The following PPP2R3A variants were observed in gnomAD, a reference collection of about 807,000 sequenced individuals.
The protein encoded by PPP2R3A is protein phosphatase 2 regulatory subunit B''alpha.
In PPP2R3A, 80 loss-of-function variants were observed where a neutral mutation model predicts 106.9. That is an observed-to-expected ratio of 0.75 (90% confidence interval 0.62 to 0.90). The LOEUF is 0.90. Ranked by LOEUF, PPP2R3A falls within the 40% of genes least tolerant of loss-of-function variation. The pLI is 0.00. For synonymous variants in PPP2R3A, 483 were observed against 468.3 expected, an observed-to-expected ratio of 1.03 and a Z score of -0.41; for missense variants, 1,386 against 1,350.4, an observed-to-expected ratio of 1.03 and a Z score of -0.41.
At chr3:136,134,545 T>A (rs1435674803) in intron 13 of PPP2R3A, among the ~76,000 whole-genome samples, 1 of 152,110 alleles carries the variant, frequency 6.6e-6, no homozygotes, top group Non-Finnish European at 1.5e-5. Context: ...CATAGAAAAA[T>A]CCAGATTACA....
chr3:136,078,927 T>C (rs779612926), intron 7 of PPP2R3A, among the ~76,000 whole-genome samples: 5 of 152,248 alleles, frequency 3.3e-5, no homozygotes, highest in Non-Finnish European at 5.9e-5. Context: ...AATTATTTTA[T>C]TCATATTACC....
intron 6 of PPP2R3A, among the ~76,000 whole-genome samples, chr3:136,071,973 A>G (rs1372799931): frequency 6.6e-6 from 1 of 151,948 alleles, no homozygotes; most frequent in Middle Eastern, 3.4e-3. Flanking sequence ...GCCCTCCCTG[A>G]TCACTCTCTG....
Position 136,002,960 on chromosome 3 carries a change from A to C in PPP2R3A, c.1462A>C (p.Lys488Gln). Residue 488 changes from lysine (K) to glutamine (Q), a missense_variant, in exon 2 of 14, where the codon AAA becomes CAA. Lys to Gln is a moderately conservative substitution (Grantham distance 53). Transcript: ENST00000264977. ...VNLPKEDCKS[K>Q]VSKFEEGDQR... The stretch of plus-strand genomic sequence containing the variant: ...TCTACCTAAGGAAGACTGTAAATCA[A>C]AAGTTTCTAAATTTGAAGAGGGAGA... The C allele has an allele frequency of 6.2e-7, 1 of 1,612,604 alleles. No individual in the cohort carries two copies. Among genetic ancestry groups the C allele is most frequent in the Non-Finnish European group, 8.5e-7 (1 of 1,179,636 alleles).
chr3:136,113,119 GAAA>G lies in PPP2R3A; in HGVS notation c.3329+6805_3329+6807del, dbSNP rs112689051. On this transcript the variant is annotated intron_variant, in intron 13 of 13. Coordinates refer to ENST00000264977, the MANE Select transcript of PPP2R3A (RefSeq NM_002718.5). ...CTGCACTCCAACCTGGGCAACAAAA[GAAA>G]AAAAAAATCATATGAAACAAAAAAA... Among the ~76,000 whole-genome samples the G allele has an allele frequency of 1.5e-3, 220 of 146,946 alleles. 3 individuals are homozygous for G. The highest frequency in any genetic ancestry group is 4.8e-3 in the African/African-American group (194 of 40,236).
intron 13 of PPP2R3A, among the ~76,000 whole-genome samples, chr3:136,115,002 C>T (rs544229119): frequency 5.0e-4 from 76 of 152,314 alleles, no homozygotes; most frequent in Non-Finnish European, 3.2e-4. Context: ...CCAACAGACA[C>T]CTCATACAGG....
intron 1 of PPP2R3A, among the ~76,000 whole-genome samples, chr3:135,978,521 A>G (rs1559848420): frequency 6.6e-6 from 1 of 151,726 alleles, no homozygotes; most frequent in East Asian, 1.9e-4. Flanking sequence ...GATAGTTAAA[A>G]TTCTAAAAAG....
At chr3:136,025,600 T>C (rs1015051559) in intron 2 of PPP2R3A, among the ~76,000 whole-genome samples, 3 of 152,132 alleles carry the variant, frequency 2.0e-5, no homozygotes, top group African/African-American at 7.2e-5. Flanking sequence ...CTAAAATTTT[T>C]ATCATGATTT....
In PPP2R3A at chr3:136,070,509, T is replaced by G; in HGVS notation, c.2501T>G (p.Phe834Cys). 6.2e-7 allele frequency: 1 copy of G among 1,610,282 alleles called. No homozygotes were observed. The highest frequency in any genetic ancestry group is 2.2e-5 in the East Asian group (1 of 44,450). ...DVVDTHPGLT[F>C]LKDAPEFHSR... ...GTGGATACCCACCCTGGTCTCACGTTCCTGAAAGATGCTCCAGAATTCCAC... is the reference window on the plus strand; with the variant it reads ...GTGGATACCCACCCTGGTCTCACGTGCCTGAAAGATGCTCCAGAATTCCAC... Residue 834 changes from phenylalanine to cysteine, a missense_variant, in exon 6 of 14, where the codon TTC becomes TGC. Phe to Cys is a radical substitution (Grantham distance 205). Transcript: ENST00000264977.
Position 136,003,439 on chromosome 3 carries a change from A to C in PPP2R3A, c.1941A>C (p.Lys647Asn), listed in dbSNP as rs1933726920. The C allele has an allele frequency of 1.9e-6, 3 of 1,613,578 alleles. No individual in the cohort carries two copies. The highest frequency in any genetic ancestry group is 2.5e-6 in the Non-Finnish European group (3 of 1,179,816). ...TCTGTAGAAGTCCTGTTGGTGATAA[A>C]GCCAAAGATACTACTTCAGCAGTTT... ...LSVCRSPVGD[K>N]AKDTTSAVLI... Residue 647 changes from lysine to asparagine, a missense_variant, in exon 2 of 14, where the codon AAA becomes AAC. Lys to Asn is a moderately conservative substitution (Grantham distance 94). Transcript: ENST00000264977.
chr3:136,114,209 G>A (rs922950910), intron 13 of PPP2R3A, among the ~76,000 whole-genome samples: 2 of 152,112 alleles, frequency 1.3e-5, no homozygotes, highest in Non-Finnish European at 2.9e-5. Context: ...GAGGGATTGT[G>A]CCTGAGGAAT....
At chr3:136,125,788 C>T (rs1938157841) in intron 13 of PPP2R3A, among the ~76,000 whole-genome samples, 1 of 152,036 alleles carries the variant, frequency 6.6e-6, no homozygotes, top group South Asian at 2.1e-4. Flanking sequence ...AGATTATATA[C>T]CATAACTAAG....
chr3:136,081,677 A>G (rs1370105851), intron 7 of PPP2R3A, among the ~76,000 whole-genome samples: 1 of 152,146 alleles, frequency 6.6e-6, no homozygotes, highest in Non-Finnish European at 1.5e-5. Flanking sequence ...TGGGTTCAGT[A>G]TCATTGATTC....
At chr3:135,978,445 T>G (rs1173558876) in intron 1 of PPP2R3A, among the ~76,000 whole-genome samples, 2 of 151,768 alleles carry the variant, frequency 1.3e-5, no homozygotes, top group Non-Finnish European at 2.9e-5. Context: ...ATAATTCATT[T>G]TCACCTTTGT....
intron 5 of PPP2R3A, among the ~76,000 whole-genome samples, chr3:136,060,340 A>G (rs1167508842): frequency 6.6e-6 from 1 of 152,208 alleles, no homozygotes; most frequent in Non-Finnish European, 1.5e-5. Flanking sequence ...AAAGAATAGA[A>G]TGGTAATTAC....
At chr3:135,973,069 G>A (rs552540837) in intron 1 of PPP2R3A, among the ~76,000 whole-genome samples, 36 of 152,092 alleles carry the variant, frequency 2.4e-4, no homozygotes, top group Admixed American at 3.9e-4. Context: ...TATAGTTTTA[G>A]TTCTTAACAT....
chr3:136,121,278 T>C (rs953478916), intron 13 of PPP2R3A, among the ~76,000 whole-genome samples: 3 of 152,206 alleles, frequency 2.0e-5, no homozygotes, highest in African/African-American at 7.2e-5. Context: ...TCATGTCCTT[T>C]GCAGCAACAT....
At position 136,003,349 on chromosome 3, in the gene PPP2R3A, A is replaced by G; in HGVS notation, c.1851A>G (p.Gln617=). ...AATCAAGCAGAGGGAGCCTATCACA[A>G]GAAAAGGAAATGATGCAAATTCTAC... is the stretch of plus-strand genomic sequence containing the variant. ...ECKSSRGSLS[Q]EKEMMQILQE... Residue 617 remains glutamine (Q), a synonymous_variant, in exon 2 of 14, where the codon CAA becomes CAG. Coordinates refer to ENST00000264977, the MANE Select transcript of PPP2R3A (RefSeq NM_002718.5). 2 of 1,614,018 alleles carry G rather than the reference A, an allele frequency of 1.2e-6. No homozygotes were observed. Among genetic ancestry groups the G allele is most frequent in the Non-Finnish European group, 1.7e-6 (2 of 1,179,960 alleles).
In PPP2R3A at chr3:136,122,138, G is replaced by C. The variant is rs376778545; in HGVS notation, c.3329+15816G>C. ...CCTGTATACTGAAATAAATGAATTAGGCAATCCATTCAAGATGCATGAAAA... is the reference window on the plus strand; with the variant it reads ...CCTGTATACTGAAATAAATGAATTACGCAATCCATTCAAGATGCATGAAAA... On this transcript the variant is annotated intron_variant, in intron 13 of 13. Transcript: ENST00000264977. Among the ~76,000 whole-genome samples, 19 of 152,176 alleles carry C rather than the reference G, an allele frequency of 1.2e-4. 1 individual carries two copies. In the South Asian group the frequency reaches 3.9e-3, roughly 32 times the overall value.
At chr3:136,046,883 G>A (rs1311698745) in intron 4 of PPP2R3A, among the ~76,000 whole-genome samples, 3 of 152,178 alleles carry the variant, frequency 2.0e-5, no homozygotes, top group African/African-American at 7.2e-5. Flanking sequence ...AGATGACACA[G>A]CCATTTTAAG....
Sources: gnomAD v4.1 joint callset for allele counts (sites outside exome capture counted in the v4.1 genomes callset) on GRCh38, gnomAD v4.1.1 for gene constraint, MANE v1.5 for transcripts, NCBI Gene and HGNC (gene_info 2026-07-23, HGNC 2026-07-21) for gene names.